RASA3: variants seen among roughly 807,000 people sequenced by gnomAD.
The protein encoded by RASA3 is RAS p21 protein activator 3.
A neutral mutation model predicts 110.0 loss-of-function variants in RASA3; 73 were observed. The observed-to-expected ratio is 0.66, with a 90% CI of 0.55 to 0.81. RASA3 has a LOEUF of 0.81. RASA3 is among the 30% of genes least tolerant of loss of function. RASA3 has a pLI of 0.00. For missense variants in RASA3, 976 were observed against 1,113.2 expected (o/e 0.88, Z 1.75); for synonymous variants, 500 against 451.4 (o/e 1.11, Z -1.37).
In RASA3 at chr13:114,014,779, G is replaced by A. The variant is rs1484883327; in HGVS notation, c.1405+430C>T. 6.6e-6 allele frequency among the ~76,000 whole-genome samples: 1 copy of A among 152,048 alleles called. No homozygotes were observed. The highest frequency in any genetic ancestry group is 1.5e-5 in the Non-Finnish European group (1 of 67,986). ...AGGCAGAGCCCCCAACACCACTCTG[G>A]GCCCTGCCAGGGTCGGCCACAAAAA... On this transcript the variant is annotated intron_variant, in intron 14 of 23. Coordinates refer to ENST00000334062, the MANE Select transcript of RASA3 (RefSeq NM_007368.4). The surrounding 1 kb of genome is among the most constrained non-coding windows in gnomAD (Gnocchi z 4.5).
At chr13:113,983,370 C>T (rs1006501377) in intron 22 of RASA3, among the ~76,000 whole-genome samples, 2 of 128,158 alleles carry the variant, frequency 1.6e-5, no homozygotes, top group African/African-American at 5.2e-5. Context: ...GTGGAACTCG[C>T]GAGTGATGAC....
rs1290411009 is a variant in RASA3 at position 114,056,053 on chromosome 13, C to T, written c.174-3898G>A. 2.6e-5 allele frequency among the ~76,000 whole-genome samples: 4 copies of T among 152,166 alleles called. No homozygotes were observed. Among genetic ancestry groups the T allele is most frequent in the South Asian group, 2.1e-4 (1 of 4,824 alleles). On this transcript the variant is annotated intron_variant, in intron 2 of 23. Coordinates refer to ENST00000334062, the MANE Select transcript of RASA3 (RefSeq NM_007368.4). The surrounding 1 kb of genome is among the most constrained non-coding windows in gnomAD (Gnocchi z 5.7). ...AGCAGCTTCAGAGCAACCCAGGCCTCGGGGTTCACCTGGCGCGTCACCGTT... is the reference window on the plus strand; with the variant it reads ...AGCAGCTTCAGAGCAACCCAGGCCTTGGGGTTCACCTGGCGCGTCACCGTT...
intron 1 of RASA3, chr13:114,077,815 G>A (rs1426661449): frequency 6.1e-6 from 6 of 982,800 alleles, no homozygotes; most frequent in Non-Finnish European, 7.2e-6. Context: ...CCTTCTCCTT[G>A]CTCACTGTCA....
At chr13:114,046,681 A>G (rs546919404) in intron 3 of RASA3, among the ~76,000 whole-genome samples, 2 of 152,300 alleles carry the variant, frequency 1.3e-5, no homozygotes, top group East Asian at 3.9e-4. Context: ...TCCCTGTCTC[A>G]GCTAGTCCTC....
Position 114,013,910 on chromosome 13 carries a change from GTC to G in RASA3, c.1406-664_1406-663del, listed in dbSNP as rs140756588. ...TCTCTCTCTTTTTCTCTCTTTCTCT[GTC>G]TCTCTCTCTCCGTCTCTCTCTCCCT... On this transcript the variant is annotated intron_variant, in intron 14 of 23. Coordinates refer to ENST00000334062, the MANE Select transcript of RASA3 (RefSeq NM_007368.4). Among the ~76,000 whole-genome samples the G allele has an allele frequency of 6.4e-4, 39 of 60,946 alleles. 2 individuals carry two copies. Among genetic ancestry groups the G allele is most frequent in the African/African-American group, 1.2e-3 (13 of 11,148 alleles). The allele number at this position is 60,946 out of a possible 152,430, so 40.0% of individuals were successfully genotyped here. A position where few individuals can be genotyped will look rare whatever the true frequency, so the allele number is the denominator to read the frequency against.
chr13:114,110,669 T>C (rs1036514681), intron 1 of RASA3, among the ~76,000 whole-genome samples: 1 of 152,212 alleles, frequency 6.6e-6, no homozygotes, highest in Non-Finnish European at 1.5e-5. Context: ...CTGGCTGCTG[T>C]GAGGACCGAC....
chr13:114,072,223 G>A (rs548867123), intron 2 of RASA3, among the ~76,000 whole-genome samples: 50 of 152,202 alleles, frequency 3.3e-4, no homozygotes, highest in African/African-American at 1.1e-3. Context: ...ATCCCACCCC[G>A]TGCCATGTCC....
At chr13:114,082,502 G>A (rs767459353) in intron 1 of RASA3, among the ~76,000 whole-genome samples, 11 of 152,238 alleles carry the variant, frequency 7.2e-5, no homozygotes, top group Non-Finnish European at 1.2e-4. Flanking sequence ...CCGAGGCTCC[G>A]AGGCTGCTCC....
chr13:114,020,614 A>G (rs1176913014), intron 9 of RASA3, among the ~76,000 whole-genome samples: 1 of 152,210 alleles, frequency 6.6e-6, no homozygotes, highest in Non-Finnish European at 1.5e-5. Context: ...CCCTCTCAGG[A>G]GCTGCCTGTC....
chr13:114,077,898 C>T (rs2079719349), intron 1 of RASA3: 1 of 983,832 alleles, frequency 1.0e-6, no homozygotes, highest in Non-Finnish European at 1.2e-6. Flanking sequence ...AGTGGGGGGA[C>T]AAAATGCAAG....
At chr13:114,020,954 G>A (rs1014221174) in intron 9 of RASA3, among the ~76,000 whole-genome samples, 2 of 152,166 alleles carry the variant, frequency 1.3e-5, no homozygotes, top group Admixed American at 6.5e-5. Context: ...GACCTCACGA[G>A]CTGCTCGCGG....
chr13:113,998,072 G>A (rs2053296336), intron 20 of RASA3, among the ~76,000 whole-genome samples: 1 of 152,218 alleles, frequency 6.6e-6, no homozygotes, highest in East Asian at 1.9e-4. Flanking sequence ...CTCTGAGGAA[G>A]TCAGTGGGAA....
At chr13:114,050,188 C>T (rs2079121451) in intron 3 of RASA3, among the ~76,000 whole-genome samples, 1 of 152,200 alleles carries the variant, frequency 6.6e-6, no homozygotes, top group Admixed American at 6.5e-5. Context: ...CAGGCAGACA[C>T]TGAGCAAGGG....
chr13:114,027,471 A>C lies in RASA3; in HGVS notation c.531-10T>G, dbSNP rs199819238. 1.6e-5 allele frequency: 26 copies of C among 1,603,780 alleles called. No homozygotes were observed. The highest frequency in any genetic ancestry group is 1.6e-4 in the Middle Eastern group (1 of 6,066). ...CTTCTTTGCTTCTGATCTGTTATCA[A>C]GTGAGAAAGGATTGGGATTAAAACA... On this transcript the variant is annotated splice_polypyrimidine_tract_variant and intron_variant, in intron 6 of 23. Transcript: ENST00000334062.
rs1453408686 is a variant in RASA3 at position 114,056,826 on chromosome 13, A to G, written c.174-4671T>C. On this transcript the variant is annotated intron_variant, in intron 2 of 23. Transcript: ENST00000334062. The surrounding 1 kb of genome is among the most constrained non-coding windows in gnomAD (Gnocchi z 5.7). Reference sequence around the variant, plus strand: ...CTTTCTAAATGTAAAAGCGGTTTATAGCAACACAGCATGGCCCTGCTGCAC... The same window carrying G: ...CTTTCTAAATGTAAAAGCGGTTTATGGCAACACAGCATGGCCCTGCTGCAC... 2 of 369,402 alleles carry G rather than the reference A, an allele frequency of 5.4e-6. No homozygotes were observed. The highest frequency in any genetic ancestry group is 6.4e-5 in the Admixed American group (1 of 15,504). 22.9% of individuals were successfully genotyped at this position (369,402 alleles called of 1,614,324 possible). A position where few individuals can be genotyped will look rare whatever the true frequency, so the allele number is the denominator to read the frequency against.
At chr13:114,097,975 CT>C (rs1030659328) in intron 1 of RASA3, among the ~76,000 whole-genome samples, 8 of 152,236 alleles carry the variant, frequency 5.3e-5, no homozygotes, top group Non-Finnish European at 8.8e-5. Flanking sequence ...GTGGATACCC[CT>C]GGGAACAAAG....
chr13:114,058,909 G>C (rs2079291473), intron 2 of RASA3, among the ~76,000 whole-genome samples: 1 of 152,196 alleles, frequency 6.6e-6, no homozygotes, highest in Non-Finnish European at 1.5e-5. Context: ...TTAAATACCT[G>C]CATCCAGGCC....
At chr13:114,017,918 G>A (rs1469232945) in intron 11 of RASA3, among the ~76,000 whole-genome samples, 186 bp downstream of exon 11, 1 of 150,910 alleles carries the variant, frequency 6.6e-6, no homozygotes, top group Non-Finnish European at 1.5e-5. Flanking sequence ...AAGGCAAATG[G>A]GACTTTCAAA....
At chr13:114,004,799 A>G (rs1239316091) in intron 18 of RASA3, among the ~76,000 whole-genome samples, 1 of 152,210 alleles carries the variant, frequency 6.6e-6, no homozygotes, top group Non-Finnish European at 1.5e-5. Flanking sequence ...AGGAAGAGCA[A>G]TTACCAAAAA....
Sources: gnomAD v4.1 joint callset for allele counts (sites outside exome capture counted in the v4.1 genomes callset) on GRCh38, gnomAD v4.1.1 for gene constraint, Gnocchi (gnomAD v3.1) non-coding constraint, MANE v1.5 for transcripts, NCBI Gene and HGNC (gene_info 2026-07-23, HGNC 2026-07-21) for gene names.